EPHA7: variants seen among roughly 807,000 people sequenced by gnomAD.
EPHA7 encodes the protein EPH receptor A7.
In EPHA7, 25 loss-of-function variants were observed where a neutral mutation model predicts 112.6. The observed-to-expected ratio is 0.22, with a 90% CI of 0.16 to 0.31. The LOEUF (loss-of-function observed/expected upper bound fraction) is 0.31. Ranked by LOEUF, EPHA7 falls within the 10% of genes least tolerant of loss-of-function variation. The pLI, the probability that EPHA7 is intolerant of heterozygous loss-of-function variation, is 1.00. For synonymous variants in EPHA7, 437 were observed against 406.5 expected (o/e 1.07, Z -0.90); for missense variants, 962 against 1,212.6 (o/e 0.79, Z 3.07).
chr6:93,332,138 A>T (rs1004343986), intron 5 of EPHA7, among the ~76,000 whole-genome samples: 1 of 151,642 alleles, frequency 6.6e-6, no homozygotes, highest in Non-Finnish European at 1.5e-5. Flanking sequence ...ATTGGTTTCA[A>T]AGTGTATTTA....
chr6:93,309,860 A>G (rs980155399), intron 5 of EPHA7, among the ~76,000 whole-genome samples: 8 of 152,196 alleles, frequency 5.3e-5, no homozygotes, highest in Non-Finnish European at 1.2e-4. Context: ...GTATTCTGTT[A>G]ATGCTCTAAT....
Position 93,240,453 on chromosome 6 carries a change from A to G in EPHA7, c.*2973T>C. 4.6e-6 allele frequency: 1 copy of G among 218,658 alleles called. No individual in the cohort carries two copies. The highest frequency in any genetic ancestry group is 2.2e-5 in the African/African-American group (1 of 44,706). The allele number at this position is 218,658 out of a possible 1,614,324, so 13.5% of individuals were successfully genotyped here. On this transcript the variant is annotated 3_prime_UTR_variant, in exon 17 of 17. Coordinates refer to ENST00000369303, the MANE Select transcript of EPHA7 (RefSeq NM_004440.4). ...TCCTAAACAGTACTAGCTAATGTAG[A>G]TTACATAAGTATACAATATGATTCA...
At chr6:93,367,353 C>T (rs936177794) in intron 3 of EPHA7, among the ~76,000 whole-genome samples, 1 of 152,070 alleles carries the variant, frequency 6.6e-6, no homozygotes, top group Non-Finnish European at 1.5e-5. Context: ...AAATTTTGCA[C>T]ATCAGTTTTA....
At chr6:93,347,912 A>T (rs2127932250) in intron 5 of EPHA7, among the ~76,000 whole-genome samples, 1 of 152,004 alleles carries the variant, frequency 6.6e-6, no homozygotes, top group Non-Finnish European at 1.5e-5. Flanking sequence ...TGTAAACATC[A>T]TTATTTACAA....
intron 5 of EPHA7, among the ~76,000 whole-genome samples, chr6:93,274,707 T>C (rs1041328163): frequency 6.6e-6 from 1 of 151,860 alleles, no homozygotes; most frequent in South Asian, 2.1e-4. Flanking sequence ...CACTAGCACA[T>C]GGCCCTTGAG....
At chr6:93,367,603 A>T (rs1395384348) in intron 3 of EPHA7, among the ~76,000 whole-genome samples, 1 of 152,136 alleles carries the variant, frequency 6.6e-6, no homozygotes, top group Non-Finnish European at 1.5e-5. Flanking sequence ...TATATCAATT[A>T]TAAGACTGTT....
At chr6:93,353,835 C>G (rs1009391965) in intron 5 of EPHA7, among the ~76,000 whole-genome samples, 1 of 151,938 alleles carries the variant, frequency 6.6e-6, no homozygotes, top group Non-Finnish European at 1.5e-5. Flanking sequence ...ACCAATGGCC[C>G]TATTCTTCCT....
chr6:93,410,929 C>G lies in EPHA7; in HGVS notation c.404G>C (p.Gly135Ala). The G allele has an allele frequency of 6.2e-7, 1 of 1,613,918 alleles. No individual in the cohort carries two copies. The highest frequency in any genetic ancestry group is 8.5e-7 in the Non-Finnish European group (1 of 1,179,938). The part of the protein sequence containing the change: ...LYYYETDYDT[G>A]RNIRENLYVK... ...ATAGAGGTTTTCTCTTATATTCCTG[C>G]CAGTGTCATAGTCTGTTTCATAATA... Residue 135 changes from glycine (G) to alanine (A), a missense_variant, in exon 3 of 17, where the codon GGC becomes GCC. Coordinates refer to ENST00000369303, the MANE Select transcript of EPHA7 (RefSeq NM_004440.4). The surrounding 1 kb of genome is among the most constrained non-coding windows in gnomAD (Gnocchi z 4.0).
chr6:93,279,906 G>A (rs928963621), intron 5 of EPHA7, among the ~76,000 whole-genome samples: 1 of 152,048 alleles, frequency 6.6e-6, no homozygotes, highest in African/African-American at 2.4e-5. Context: ...TTAAAAGTAC[G>A]CTAGCATTAG....
intron 5 of EPHA7, among the ~76,000 whole-genome samples, chr6:93,356,346 T>C (rs1430040037): frequency 1.3e-5 from 2 of 152,062 alleles, no homozygotes; most frequent in South Asian, 4.1e-4. Flanking sequence ...TAACTGGGAC[T>C]ACAGGTGTGC....
rs145458077 is a variant in EPHA7, at chr6:93,302,406, G to A, written c.1325-29984C>T. On this transcript the variant is annotated intron_variant, in intron 5 of 16. Transcript: ENST00000369303. ...GTTCATGTCTCCAAATACTTCAACC[G>A]TCCCCTCCCATGGCATAGCCTAGAC... Among the ~76,000 whole-genome samples, 297 of 151,932 alleles carry A rather than the reference G, an allele frequency of 2.0e-3. 1 individual carries two copies. The highest frequency in any genetic ancestry group is 6.7e-3 in the African/African-American group (276 of 41,432).
chr6:93,405,610 T>A (rs1778655804), intron 3 of EPHA7, among the ~76,000 whole-genome samples: 1 of 151,414 alleles, frequency 6.6e-6, no homozygotes, highest in African/African-American at 2.4e-5. Flanking sequence ...CATTCAATTC[T>A]GACAAGAACC....
chr6:93,261,840 A>G (rs959615631), intron 9 of EPHA7, among the ~76,000 whole-genome samples: 1 of 151,674 alleles, frequency 6.6e-6, no homozygotes, highest in African/African-American at 2.4e-5. Context: ...GAAATGTGAA[A>G]AAAGTGAATG....
At chr6:93,302,636 A>G (rs1179350889) in intron 5 of EPHA7, among the ~76,000 whole-genome samples, 1 of 152,186 alleles carries the variant, frequency 6.6e-6, no homozygotes, top group Non-Finnish European at 1.5e-5. Context: ...ACAGCAACAT[A>G]TATTTGAAAC....
At chr6:93,303,719 C>T (rs901461365) in intron 5 of EPHA7, among the ~76,000 whole-genome samples, 3 of 151,930 alleles carry the variant, frequency 2.0e-5, no homozygotes, top group African/African-American at 4.8e-5. Context: ...GTAATTTCAT[C>T]GGTAGATAGG....
chr6:93,383,081 C>T (rs1353303879), intron 3 of EPHA7, among the ~76,000 whole-genome samples: 1 of 152,050 alleles, frequency 6.6e-6, no homozygotes, highest in Non-Finnish European at 1.5e-5. Flanking sequence ...CTCCATTCCC[C>T]ACTCCCTTAA....
chr6:93,370,312 T>C (rs1223880001), intron 3 of EPHA7, among the ~76,000 whole-genome samples: 2 of 152,120 alleles, frequency 1.3e-5, no homozygotes, highest in Non-Finnish European at 2.9e-5. Flanking sequence ...TAAGAAACTA[T>C]CTCTCTTTAA....
intron 2 of EPHA7, among the ~76,000 whole-genome samples, chr6:93,414,437 C>G (rs982903243): frequency 6.6e-6 from 1 of 151,838 alleles, no homozygotes; most frequent in African/African-American, 2.4e-5. Context: ...TTAGCATTTA[C>G]AGCCTGGACC....
At chr6:93,404,044 C>T (rs1008316547) in intron 3 of EPHA7, among the ~76,000 whole-genome samples, 5 of 151,912 alleles carry the variant, frequency 3.3e-5, no homozygotes, top group Non-Finnish European at 2.9e-5. Flanking sequence ...GGAGCAGGGG[C>T]TTCAACTGTG....
Sources: allele counts gnomAD v4.1 joint callset (sites outside exome capture counted in the v4.1 genomes callset), GRCh38; gene constraint gnomAD v4.1.1; non-coding constraint Gnocchi (gnomAD v3.1); transcripts MANE v1.5; gene names NCBI Gene and HGNC (gene_info 2026-07-23, HGNC 2026-07-21).